Variants in FRAS1 observed in about 807,000 individuals in gnomAD.
FRAS1 encodes the protein extracellular matrix organizing protein FRAS1.
FRAS1 carries 290 observed loss-of-function variants against 435.2 expected under a neutral mutation model. That is an observed-to-expected ratio of 0.67 (90% confidence interval 0.61 to 0.73). FRAS1 has a LOEUF of 0.73. Ranked by LOEUF, FRAS1 falls within the 30% of genes least tolerant of loss-of-function variation. FRAS1 has a pLI of 0.00. For synonymous variants in FRAS1, 1,800 were observed against 1,851.0 expected, an observed-to-expected ratio of 0.97 and a Z score of 0.71; for missense variants, 4,860 against 5,001.5, an observed-to-expected ratio of 0.97 and a Z score of 0.85.
In FRAS1 at chr4:78,515,982, T is replaced by G. The variant is rs765383984; in HGVS notation, c.10358T>G (p.Val3453Gly). The G allele has an allele frequency of 5.0e-6, 8 of 1,613,682 alleles. No individual in the cohort carries two copies. Among genetic ancestry groups the G allele is most frequent in the Admixed American group, 3.3e-5 (2 of 59,998 alleles). The change falls in exon 66 of 74, where the codon GTC becomes GGC. Residue 3453 changes from valine to glycine, a missense_variant. By Grantham distance (109) the Val-to-Gly change is moderately radical. Coordinates refer to ENST00000512123, the MANE Select transcript of FRAS1 (RefSeq NM_025074.7). Reference protein sequence around the residue: ...AYYDMTELIDVCGGSVTADFQ... With the variant: ...AYYDMTELIDGCGGSVTADFQ... Reference sequence around the variant, plus strand: ...TATGACATGACTGAGCTGATTGACGTCTGTGGGGGCTCTGTAACCGCTGAC... The same window carrying G: ...TATGACATGACTGAGCTGATTGACGGCTGTGGGGGCTCTGTAACCGCTGAC...
intron 66 of FRAS1, among the ~76,000 whole-genome samples, chr4:78,518,068 G>T (rs1046217293): frequency 6.6e-6 from 1 of 152,048 alleles, no homozygotes; most frequent in Non-Finnish European, 1.5e-5. Flanking sequence ...AGTGAGCTAT[G>T]ATGGAGTCAC....
chr4:78,511,227 GT>G, intron 63 of FRAS1, 46 bp from the exon 64 acceptor site: 1 of 1,442,718 alleles, frequency 6.9e-7, no homozygotes, highest in Non-Finnish European at 9.4e-7. Flanking sequence ...GTAAGGAGCT[GT>G]TTAAGTAGGG....
At chr4:78,432,307 A>G (rs1467781277) in intron 37 of FRAS1, 50 bp from the exon 38 acceptor site, 2 of 1,516,566 alleles carry the variant, frequency 1.3e-6, no homozygotes, top group East Asian at 2.4e-5. Context: ...TATAATGAAA[A>G]GCATTATTCC....
chr4:78,387,722 T>A, intron 29 of FRAS1, 21 bp downstream of exon 29: 1 of 1,457,894 alleles, frequency 6.9e-7, no homozygotes, highest in Non-Finnish European at 9.2e-7. Context: ...TTCCTAGAGT[T>A]ACAGTTTCTT....
At chr4:78,393,848 A>G (rs983349155) in intron 29 of FRAS1, among the ~76,000 whole-genome samples, 1 of 151,952 alleles carries the variant, frequency 6.6e-6, no homozygotes, top group African/African-American at 2.4e-5. Context: ...TAGCTGTAAC[A>G]ATTTACTTTC....
At chr4:78,400,620 C>G (rs1243774654) in intron 29 of FRAS1, 114 bp from the exon 30 acceptor site, 3 of 1,012,634 alleles carry the variant, frequency 3.0e-6, no homozygotes, top group African/African-American at 1.6e-5. Context: ...CTGTGAATCT[C>G]TCTGTCTTAT....
intron 2 of FRAS1, among the ~76,000 whole-genome samples, chr4:78,081,579 T>C (rs1740899413): frequency 6.6e-6 from 1 of 152,116 alleles, no homozygotes; most frequent in African/African-American, 2.4e-5. Context: ...AACATATTAA[T>C]TGAGTTCAGA....
intron 2 of FRAS1, among the ~76,000 whole-genome samples, chr4:78,143,748 A>T (rs1159103723): frequency 3.3e-5 from 5 of 151,386 alleles, no homozygotes; most frequent in African/African-American, 9.7e-5. Context: ...ATAATAAAAA[A>T]AAAAAAATAG....
At chr4:78,260,264 A>C (rs904704318) in intron 6 of FRAS1, among the ~76,000 whole-genome samples, 8 of 151,424 alleles carry the variant, frequency 5.3e-5, no homozygotes, top group Admixed American at 2.6e-4. Flanking sequence ...CTTGATGGGG[A>C]TGGCATTGAA....
chr4:78,181,958 A>C (rs1722029271), intron 2 of FRAS1: 2 of 1,597,990 alleles, frequency 1.3e-6, no homozygotes, highest in East Asian at 2.2e-5. Context: ...TGCCTTCAGC[A>C]CCTCGAAGGG....
At chr4:78,087,608 A>G (rs10433895) in intron 2 of FRAS1, among the ~76,000 whole-genome samples, 122,506 of 152,034 alleles carry the variant, frequency 0.81, 49,478 homozygotes, top group East Asian at 0.95. Context: ...TACAAAAATC[A>G]CAAGCATTCT....
intron 20 of FRAS1, among the ~76,000 whole-genome samples, chr4:78,361,421 G>A (rs906552399): frequency 5.3e-5 from 8 of 152,234 alleles, no homozygotes; most frequent in African/African-American, 1.9e-4. Flanking sequence ...GCAAAAGGCT[G>A]CTTGTAATTT....
intron 22 of FRAS1, among the ~76,000 whole-genome samples, chr4:78,364,431 G>T (rs1248005318): frequency 6.6e-6 from 1 of 152,170 alleles, no homozygotes; most frequent in African/African-American, 2.4e-5. Flanking sequence ...GCTTGCTCTA[G>T]TATGCAATCA....
At chr4:78,164,285 G>A (rs1296247219) in intron 2 of FRAS1, among the ~76,000 whole-genome samples, 3 of 152,062 alleles carry the variant, frequency 2.0e-5, no homozygotes, top group African/African-American at 2.4e-5. Flanking sequence ...CTGTGAAAAG[G>A]ATATTTTTAA....
intron 35 of FRAS1, among the ~76,000 whole-genome samples, chr4:78,425,063 T>C (rs1733944416): frequency 6.6e-6 from 1 of 151,712 alleles, no homozygotes; most frequent in African/African-American, 2.4e-5. Context: ...GAAAGTTTCT[T>C]ACATCTCTGT....
chr4:78,268,322 G>A (rs1027205084), intron 9 of FRAS1, among the ~76,000 whole-genome samples: 1 of 152,174 alleles, frequency 6.6e-6, no homozygotes, highest in Non-Finnish European at 1.5e-5. Flanking sequence ...GTCATCGGCA[G>A]GGTTATTTTT....
intron 2 of FRAS1, among the ~76,000 whole-genome samples, chr4:78,210,410 A>G (rs1361329623): frequency 1.3e-5 from 2 of 152,342 alleles, no homozygotes; most frequent in South Asian, 2.1e-4. Context: ...AACAGACTCT[A>G]TCAGGCCTAG....
At chr4:78,415,917 A>G (rs1006583379) in intron 32 of FRAS1, among the ~76,000 whole-genome samples, 1 of 152,266 alleles carries the variant, frequency 6.6e-6, no homozygotes, top group Non-Finnish European at 1.5e-5. Context: ...CTAGAGCAAG[A>G]ACAATTAGTG....
intron 2 of FRAS1, among the ~76,000 whole-genome samples, chr4:78,114,533 G>C (rs1176083004): frequency 6.6e-6 from 1 of 151,982 alleles, no homozygotes. Flanking sequence ...TTCTCTTGAA[G>C]AGGTCCTTCA....
Sources: gnomAD v4.1 joint callset for allele counts (sites outside exome capture counted in the v4.1 genomes callset) on GRCh38, gnomAD v4.1.1 for gene constraint, MANE v1.5 for transcripts, NCBI Gene and HGNC (gene_info 2026-07-23, HGNC 2026-07-21) for gene names.